Variants in ADARB2 observed in about 807,000 individuals in gnomAD.
ADARB2 encodes the protein inactive double-stranded RNA-specific editase B2.
In ADARB2, 25 loss-of-function variants were observed where a neutral mutation model predicts 62.2. That is an observed-to-expected ratio of 0.40 (90% CI 0.29 to 0.56). The LOEUF is 0.56. Ranked by LOEUF, ADARB2 falls within the 20% of genes least tolerant of loss-of-function variation. The pLI is 0.43. For synonymous variants in ADARB2, 572 were observed against 500.8 expected, an observed-to-expected ratio of 1.14 and a Z score of -1.90; for missense variants, 1,071 against 1,077.4, an observed-to-expected ratio of 0.99 and a Z score of 0.08.
chr10:1,358,365 G>A (rs940679551), intron 3 of ADARB2, among the ~76,000 whole-genome samples: 4 of 152,278 alleles, frequency 2.6e-5, no homozygotes, highest in African/African-American at 7.2e-5. Flanking sequence ...GTGAGAATGC[G>A]GAGCCAGGTC....
At position 1,535,182 on chromosome 10, in the gene ADARB2, C is replaced by T. The variant is rs150622172; in HGVS notation, c.101-156022G>A. ...GGTGAGGGAGGTTCCCACGGTCACG[C>T]GTGTGCTGGGATTCTGCTCTTTACG... On this transcript the variant is annotated intron_variant, in intron 1 of 9. Transcript: ENST00000381312. 6.6e-3 allele frequency among the ~76,000 whole-genome samples: 1,000 copies of T among 152,280 alleles called. 6 individuals are homozygous for T. The highest frequency in any genetic ancestry group is 0.017 in the Middle Eastern group (5 of 294).
intron 1 of ADARB2, among the ~76,000 whole-genome samples, chr10:1,724,750 G>A (rs948469038): frequency 3.9e-5 from 6 of 152,184 alleles, no homozygotes; most frequent in Admixed American, 1.3e-4. Context: ...CCCTAGCCAC[G>A]TCTACCCTTT....
At chr10:1,689,487 T>C (rs1834641414) in intron 1 of ADARB2, among the ~76,000 whole-genome samples, 1 of 152,216 alleles carries the variant, frequency 6.6e-6, no homozygotes, top group Non-Finnish European at 1.5e-5. Flanking sequence ...TGTCCCTCTC[T>C]GGGGTTCTTT....
chr10:1,561,908 C>T (rs760535989), intron 1 of ADARB2, among the ~76,000 whole-genome samples: 4 of 152,350 alleles, frequency 2.6e-5, no homozygotes, highest in Non-Finnish European at 4.4e-5. Context: ...ATTGCCACAT[C>T]GTGTCTTTGC....
At chr10:1,308,820 G>A (rs1339450640) in intron 3 of ADARB2, among the ~76,000 whole-genome samples, 1 of 152,116 alleles carries the variant, frequency 6.6e-6, no homozygotes, top group East Asian at 1.9e-4. Flanking sequence ...ATTTTTTTTA[G>A]AAAGGACAGG....
At chr10:1,278,895 C>G (rs1413339663) in intron 3 of ADARB2, among the ~76,000 whole-genome samples, 1 of 152,130 alleles carries the variant, frequency 6.6e-6, no homozygotes, top group Non-Finnish European at 1.5e-5. Flanking sequence ...CGTGGTCCTG[C>G]CATAGCACCA....
chr10:1,435,729 C>T (rs1398630671), intron 1 of ADARB2, among the ~76,000 whole-genome samples: 2 of 152,236 alleles, frequency 1.3e-5, no homozygotes, highest in African/African-American at 4.8e-5. Context: ...CCTGTCTTGT[C>T]CCTGGCTGCC....
Position 1,328,980 on chromosome 10 carries a change from G to A in ADARB2, c.1077+34048C>T, listed in dbSNP as rs1169926241. On this transcript the variant is annotated intron_variant, in intron 3 of 9. Transcript: ENST00000381312. ...CCACTGCACTCCAGCTGGGGTGACA[G>A]AACAAGACCCTGTCTTAAAAAAAAA... Among the ~76,000 whole-genome samples the A allele has an allele frequency of 3.2e-5, 3 of 94,528 alleles. No homozygotes were observed. The Admixed American group carries it at 4.7e-4, about 15-fold the overall frequency. The allele number at this position is 94,528 out of a possible 152,430, so 62.0% of individuals were successfully genotyped here. A position where few individuals can be genotyped will look rare whatever the true frequency, so the allele number is the denominator to read the frequency against.
chr10:1,220,143 AATGGTGATG>A (rs1181304876), intron 6 of ADARB2, among the ~76,000 whole-genome samples: 5 of 96,732 alleles, frequency 5.2e-5, no homozygotes, highest in African/African-American at 2.1e-4. Flanking sequence ...TAATGATGGC[AATGGTGATG>A]ATGGTGATGG....
In ADARB2 at chr10:1,379,073, C is replaced by A; in HGVS notation, c.187+1G>T. ...TACTTCGGGGAAGGGAAGTTGCTTA[C>A]TGAGGGTGTCGTCATCCTCCGTGTT... On this transcript the variant is annotated splice_donor_variant, in intron 2 of 9. Coordinates refer to ENST00000381312, the MANE Select transcript of ADARB2 (RefSeq NM_018702.4). LOFTEE classifies it high-confidence loss of function. 6.2e-7 allele frequency: 1 copy of A among 1,612,348 alleles called. No individual in the cohort carries two copies. The highest frequency in any genetic ancestry group is 8.5e-7 in the Non-Finnish European group (1 of 1,178,486).
intron 1 of ADARB2, among the ~76,000 whole-genome samples, chr10:1,711,091 G>T (rs1004507700): frequency 6.6e-6 from 1 of 152,112 alleles, no homozygotes. Context: ...CCCAAAATAG[G>T]CTCACAATGG....
chr10:1,293,259 AGAGG>A (rs1831492679), intron 3 of ADARB2, among the ~76,000 whole-genome samples: 1 of 113,406 alleles, frequency 8.8e-6, no homozygotes. Context: ...GGAGAGGGAC[AGAGG>A]GAGGGAAGGA....
At chr10:1,308,542 G>A (rs970494304) in intron 3 of ADARB2, among the ~76,000 whole-genome samples, 20 of 152,280 alleles carry the variant, frequency 1.3e-4, no homozygotes, top group Admixed American at 1.2e-3. Context: ...GAACCATATG[G>A]TCAGAGTATG....
intron 6 of ADARB2, among the ~76,000 whole-genome samples, chr10:1,229,142 T>C (rs1830774328): frequency 6.6e-6 from 1 of 152,212 alleles, no homozygotes. Context: ...CAATTGGCAT[T>C]GATACCATGT....
chr10:1,223,342 T>C (rs182192822), intron 6 of ADARB2, among the ~76,000 whole-genome samples: 2 of 152,354 alleles, frequency 1.3e-5, no homozygotes, highest in East Asian at 1.9e-4. Context: ...TTTCTAGATA[T>C]ACAGTCATGT....
chr10:1,733,138 C>A (rs1476010052), intron 1 of ADARB2, among the ~76,000 whole-genome samples: 1 of 152,220 alleles, frequency 6.6e-6, no homozygotes, highest in African/African-American at 2.4e-5. Context: ...GCGGATCCTG[C>A]ATGGCCAGTC....
At chr10:1,364,191 C>A (rs1367048220) in intron 2 of ADARB2, among the ~76,000 whole-genome samples, 1 of 152,174 alleles carries the variant, frequency 6.6e-6, no homozygotes, top group African/African-American at 2.4e-5. Flanking sequence ...CTGTGTCTCA[C>A]AAACAGACAA....
intron 1 of ADARB2, among the ~76,000 whole-genome samples, chr10:1,487,056 G>A (rs993964924): frequency 3.9e-5 from 6 of 152,210 alleles, no homozygotes; most frequent in African/African-American, 1.4e-4. Context: ...TGGAGCCCTG[G>A]GCCCCACCAG....
intron 6 of ADARB2, among the ~76,000 whole-genome samples, chr10:1,225,300 T>C (rs1407592274): frequency 6.6e-6 from 1 of 152,104 alleles, no homozygotes; most frequent in African/African-American, 2.4e-5. Context: ...TGAGCCTATG[T>C]GTGTCTCTGC....
Sources: gnomAD v4.1 joint callset for allele counts (sites outside exome capture counted in the v4.1 genomes callset) on GRCh38, gnomAD v4.1.1 for gene constraint, MANE v1.5 for transcripts, NCBI Gene and HGNC (gene_info 2026-07-23, HGNC 2026-07-21) for gene names.